ARMC6: variants seen among roughly 807,000 people sequenced by gnomAD.
The protein encoded by ARMC6 is armadillo repeat containing 6.
ARMC6 carries 43 observed loss-of-function variants against 49.2 expected under a neutral mutation model. That is an observed-to-expected ratio of 0.87 (90% CI 0.69 to 1.13). The LOEUF (loss-of-function observed/expected upper bound fraction) is 1.13. ARMC6 is among the 50% of genes most tolerant of loss of function. ARMC6 has a pLI of 0.00. For missense variants in ARMC6, 627 were observed against 682.0 expected (o/e 0.92, Z 0.90); for synonymous variants, 262 against 289.6 (o/e 0.90, Z 0.97).
chr19:19,046,314 A>G (rs1346862220), intron 4 of ARMC6, among the ~76,000 whole-genome samples: 1 of 151,834 alleles, frequency 6.6e-6, no homozygotes, highest in African/African-American at 2.4e-5. Flanking sequence ...CTCCTGCCTC[A>G]GCCTCTGGAG....
chr19:19,047,622 C>T (rs2059461896), intron 4 of ARMC6, among the ~76,000 whole-genome samples: 1 of 152,170 alleles, frequency 6.6e-6, no homozygotes, highest in South Asian at 2.1e-4. Flanking sequence ...AGAAAATTGT[C>T]ATAGGTAGAA....
chr19:19,036,328 C>T (rs778491373), intron 2 of ARMC6, among the ~76,000 whole-genome samples: 20 of 152,186 alleles, frequency 1.3e-4, no homozygotes, highest in Non-Finnish European at 2.4e-4. Flanking sequence ...TCCCAAAATG[C>T]TGGGATTACA....
At chr19:19,035,638 T>C (rs911009157) in intron 2 of ARMC6, among the ~76,000 whole-genome samples, 3 of 151,180 alleles carry the variant, frequency 2.0e-5, no homozygotes, top group African/African-American at 7.3e-5. Flanking sequence ...AAGGGAGGGG[T>C]TGTGGGTTGG....
chr19:19,045,753 G>A (rs1239186678), intron 4 of ARMC6, among the ~76,000 whole-genome samples: 3 of 151,734 alleles, frequency 2.0e-5, no homozygotes, highest in East Asian at 3.9e-4. Flanking sequence ...CTGGGCTCAC[G>A]CCATTCTCCT....
At chr19:19,036,729 C>T (rs1166834923) in intron 2 of ARMC6, among the ~76,000 whole-genome samples, 1 of 152,186 alleles carries the variant, frequency 6.6e-6, no homozygotes, top group Non-Finnish European at 1.5e-5. Context: ...CATAAACTTG[C>T]TGAATTGCCT....
Position 19,054,275 on chromosome 19 carries a change from T to C in ARMC6, c.977T>C (p.Leu326Pro), listed in dbSNP as rs1465064522. The C allele has an allele frequency of 6.2e-7, 1 of 1,609,686 alleles. No individual in the cohort carries two copies. Among genetic ancestry groups the C allele is most frequent in the Non-Finnish European group, 8.5e-7 (1 of 1,178,044 alleles). Residue 326 changes from leucine (L) to proline (P), a missense_variant, in exon 6 of 9, where the codon CTA becomes CCA. By Grantham distance (98) the Leu-to-Pro change is moderately conservative. Coordinates refer to ENST00000535612, the MANE Select transcript of ARMC6 (RefSeq NM_001199196.2). ...GGCCTGAGCATTCTGGTGTCCCTGCTAGCCGACTGCAATGACCACCAGATG... is the reference window on the plus strand; with the variant it reads ...GGCCTGAGCATTCTGGTGTCCCTGCCAGCCGACTGCAATGACCACCAGATG... The part of the protein sequence containing the change: ...LGGLSILVSL[L>P]ADCNDHQMRD...
intron 2 of ARMC6, among the ~76,000 whole-genome samples, chr19:19,035,542 C>T (rs996650978): frequency 1.3e-5 from 2 of 152,214 alleles, no homozygotes; most frequent in Non-Finnish European, 2.9e-5. Flanking sequence ...CAGCCCTGTA[C>T]CAGATCTAGG....
chr19:19,037,867 G>A (rs1244746060), intron 2 of ARMC6, among the ~76,000 whole-genome samples: 1 of 152,166 alleles, frequency 6.6e-6, no homozygotes, highest in Non-Finnish European at 1.5e-5. Flanking sequence ...TACAGCAGGG[G>A]TCCCCAATTC....
Position 19,051,734 on chromosome 19 carries a change from C to T in ARMC6, c.392C>T (p.Ala131Val), listed in dbSNP as rs769059471. ...CAGGACAAGGCCTGCCGCTTCCTCGCGGCCCAGAAGGGGGCCTACCCCATC... is the reference window on the plus strand; with the variant it reads ...CAGGACAAGGCCTGCCGCTTCCTCGTGGCCCAGAAGGGGGCCTACCCCATC... ...CKQDKACRFL[A>V]AQKGAYPIIF... The change falls in exon 5 of 9, where the codon GCG becomes GTG. Residue 131 changes from alanine to valine, a missense_variant. By Grantham distance (64) the Ala-to-Val change is moderately conservative. Transcript: ENST00000535612. 5.8e-5 allele frequency: 94 copies of T among 1,613,896 alleles called. No homozygotes were observed. In the South Asian group the frequency reaches 7.7e-4, roughly 13 times the overall value.
intron 4 of ARMC6, among the ~76,000 whole-genome samples, chr19:19,050,324 C>T (rs749632772): frequency 1.3e-4 from 20 of 152,168 alleles, no homozygotes; most frequent in Non-Finnish European, 2.4e-4. Context: ...TGAGACTGTG[C>T]TTTCAGTTCT....
Position 19,051,373 on chromosome 19 carries a change from C to CTG in ARMC6, c.280-248_280-247insGT, listed in dbSNP as rs1279966843. Among the ~76,000 whole-genome samples, 239 of 115,132 alleles carry CTG rather than the reference C, an allele frequency of 2.1e-3. 1 individual carries two copies. The highest frequency in any genetic ancestry group is 5.4e-3 in the African/African-American group (144 of 26,690). The allele number at this position is 115,132 out of a possible 152,430, so 75.5% of individuals were successfully genotyped here. On this transcript the variant is annotated intron_variant, in intron 4 of 8. Coordinates refer to ENST00000535612, the MANE Select transcript of ARMC6 (RefSeq NM_001199196.2). Reference sequence around the variant, plus strand: ...GAGTTGTCTGGATCTCTCTCTCTCTCTCTGTGTGTGTGTGTGTGTGTGTGT... The same window carrying CTG: ...GAGTTGTCTGGATCTCTCTCTCTCTCTGTCTGTGTGTGTGTGTGTGTGTGTGT...
chr19:19,042,856 G>C lies in ARMC6; in HGVS notation c.175G>C (p.Val59Leu), dbSNP rs576168823. The change falls in exon 3 of 9, where the codon GTG (valine) becomes CTG (leucine). Residue 59 changes from valine (V) to leucine (L), a missense_variant. Coordinates refer to ENST00000535612, the MANE Select transcript of ARMC6 (RefSeq NM_001199196.2). ...GCCAGAGGAGGCAGTGAAAGAGGCC[G>C]TGGAGCAGTTTGAATCGCAAGGTAG... ...MGPEEAVKEA[V>L]EQFESQGVDL... 80 of 1,613,806 alleles carry C rather than the reference G, an allele frequency of 5.0e-5. 1 individual carries two copies. In the South Asian group the frequency reaches 7.9e-4, roughly 16 times the overall value.
intron 4 of ARMC6, among the ~76,000 whole-genome samples, chr19:19,046,058 G>A (rs959058257): frequency 2.6e-5 from 4 of 152,138 alleles, no homozygotes; most frequent in African/African-American, 4.8e-5. Context: ...CCTGCACCCC[G>A]AAAGGTCAGC....
chr19:19,053,306 G>A (rs545642475), intron 5 of ARMC6, among the ~76,000 whole-genome samples: 1 of 152,088 alleles, frequency 6.6e-6, no homozygotes, highest in Non-Finnish European at 1.5e-5. Context: ...TGGGCAACAT[G>A]ATGAAACCCT....
chr19:19,034,592 G>C (rs368110470), intron 2 of ARMC6, among the ~76,000 whole-genome samples: 2 of 151,964 alleles, frequency 1.3e-5, no homozygotes, highest in South Asian at 4.1e-4. Context: ...CATGGCACAC[G>C]TTTAATTTTC....
intron 3 of ARMC6, among the ~76,000 whole-genome samples, chr19:19,043,185 C>G (rs764678624): frequency 6.6e-6 from 1 of 152,256 alleles, no homozygotes; most frequent in Non-Finnish European, 1.5e-5. Context: ...CTGCCCTACT[C>G]TACCCTACCT....
Position 19,054,250 on chromosome 19 carries a change from G to A in ARMC6, c.952G>A (p.Gly318Ser). ...EFCQEVVDLGGLSILVSLLAD... is the reference protein window; with the variant it reads ...EFCQEVVDLGSLSILVSLLAD... ...CTGCCAGGAGGTCGTCGACCTCGGG[G>A]GCCTGAGCATTCTGGTGTCCCTGCT... Residue 318 changes from glycine to serine, a missense_variant, in exon 6 of 9, where the codon GGC becomes AGC. Coordinates refer to ENST00000535612, the MANE Select transcript of ARMC6 (RefSeq NM_001199196.2). 1.9e-6 allele frequency: 3 copies of A among 1,612,088 alleles called. No individual in the cohort carries two copies. Among genetic ancestry groups the A allele is most frequent in the Non-Finnish European group, 2.5e-6 (3 of 1,179,098 alleles).
At position 19,054,310 on chromosome 19, in the gene ARMC6, A is replaced by G. The variant is rs533063773; in HGVS notation, c.1012A>G (p.Ser338Gly). 3.2e-6 allele frequency: 5 copies of G among 1,584,868 alleles called. No individual in the cohort carries two copies. The highest frequency in any genetic ancestry group is 3.6e-5 in the Admixed American group (2 of 56,184). ...DCNDHQMRDQ[S>G]GVQELVKQVL... ...CAATGACCACCAGATGAGGGACCAG[A>G]GCGGCGTTCAGGTATGAAGTCCCCC... Residue 338 changes from serine to glycine, a missense_variant, in exon 6 of 9, where the codon AGC (serine) becomes GGC (glycine). Ser to Gly is a moderately conservative substitution (Grantham distance 56, BLOSUM62 0). Transcript: ENST00000535612.
intron 2 of ARMC6, 59 bp downstream of exon 2, chr19:19,034,297 C>T (rs2059318245): frequency 6.4e-7 from 1 of 1,568,362 alleles, no homozygotes; most frequent in South Asian, 1.2e-5. Context: ...TGCTCTTTAT[C>T]TAGAAGTGGT....
Sources: gnomAD v4.1 joint callset for allele counts (sites outside exome capture counted in the v4.1 genomes callset) on GRCh38, gnomAD v4.1.1 for gene constraint, MANE v1.5 for transcripts, NCBI Gene and HGNC (gene_info 2026-07-23, HGNC 2026-07-21) for gene names.